Variants in AFTPH observed in about 807,000 individuals in gnomAD.
AFTPH encodes aftiphilin protein.
AFTPH carries 7 observed loss-of-function variants against 72.5 expected under a neutral mutation model. The observed-to-expected ratio is 0.10, with a 90% confidence interval of 0.05 to 0.18. AFTPH has a LOEUF of 0.18. AFTPH is among the 10% of genes least tolerant of loss of function. The probability of loss-of-function intolerance (pLI) is 1.00; values close to 1 mark genes in which losing one functional copy is unlikely to be tolerated. For missense variants in AFTPH, 979 were observed against 1,060.5 expected (o/e 0.92, Z 1.07); for synonymous variants, 337 against 370.1 (o/e 0.91, Z 1.03).
At chr2:64,553,833 A>G (rs971508210) in intron 2 of AFTPH, among the ~76,000 whole-genome samples, 3 of 151,644 alleles carry the variant, frequency 2.0e-5, no homozygotes, top group Non-Finnish European at 4.4e-5. Context: ...TAAGCTTAAG[A>G]ATAGAATGTT....
intron 2 of AFTPH, among the ~76,000 whole-genome samples, chr2:64,563,782 A>G (rs1671881577): frequency 6.6e-6 from 1 of 151,868 alleles, no homozygotes; most frequent in South Asian, 2.1e-4. Flanking sequence ...ATTTTTTTGT[A>G]CTTTTAGTAG....
In AFTPH at chr2:64,560,555, A is replaced by T. The variant is rs571235731; in HGVS notation, c.1936-7007A>T. ...ACTTTCCTGAGCCCTTTCTCCATAA[A>T]ATGTGTTTTTTGGTTAACAGGAAGT... On this transcript the variant is annotated intron_variant, in intron 2 of 8. Coordinates refer to ENST00000238856, the Ensembl canonical transcript of AFTPH. Among the ~76,000 whole-genome samples, 9 of 152,248 alleles carry T rather than the reference A, an allele frequency of 5.9e-5. No homozygotes were observed. The East Asian group carries it at 1.7e-3, about 29-fold the overall frequency.
chr2:64,561,327 G>A (rs1671730228), intron 2 of AFTPH, among the ~76,000 whole-genome samples: 1 of 152,076 alleles, frequency 6.6e-6, no homozygotes, highest in South Asian at 2.1e-4. Context: ...CATATTCAAG[G>A]GAAAACCAAG....
intron 1 of AFTPH, among the ~76,000 whole-genome samples, chr2:64,525,265 T>G (rs532379718): frequency 9.8e-5 from 15 of 152,330 alleles, no homozygotes; most frequent in Admixed American, 4.6e-4. Context: ...CTTAAGTGCC[T>G]GGTTTGGCAG....
intron 1 of AFTPH, among the ~76,000 whole-genome samples, chr2:64,530,066 G>A (rs1472028753): frequency 2.0e-5 from 3 of 152,110 alleles, no homozygotes; most frequent in Non-Finnish European, 4.4e-5. Context: ...TGAGACAGGA[G>A]AATCACTTGA....
intron 5 of AFTPH, among the ~76,000 whole-genome samples, chr2:64,571,964 C>T (rs1203937922): frequency 2.0e-5 from 3 of 152,090 alleles, no homozygotes; most frequent in Admixed American, 6.5e-5. Context: ...GCCTGTAATC[C>T]TAGCACTTTG....
At chr2:64,553,628 C>G (rs1671181822) in intron 2 of AFTPH, among the ~76,000 whole-genome samples, 1 of 150,156 alleles carries the variant, frequency 6.7e-6, no homozygotes, top group Non-Finnish European at 1.5e-5. Context: ...TTTTCTTTAT[C>G]TCAATGAGTT....
At chr2:64,535,241 T>C (rs1669824948) in intron 1 of AFTPH, among the ~76,000 whole-genome samples, 1 of 152,328 alleles carries the variant, frequency 6.6e-6, no homozygotes, top group Admixed American at 6.5e-5. Context: ...TCCTGTACTC[T>C]GGGAACTTAA....
At chr2:64,533,262 G>C (rs1372329755) in intron 1 of AFTPH, among the ~76,000 whole-genome samples, 1 of 151,980 alleles carries the variant, frequency 6.6e-6, no homozygotes, top group Non-Finnish European at 1.5e-5. Context: ...AGCCAGATAT[G>C]GTGGCAGGCA....
intron 1 of AFTPH, among the ~76,000 whole-genome samples, chr2:64,549,333 T>C (rs1270634971): frequency 1.6e-5 from 2 of 126,660 alleles, no homozygotes; most frequent in African/African-American, 3.8e-5. Context: ...TTTTTTTTTT[T>C]TTTTTGAAAC....
chr2:64,544,076 C>T (rs190964743), intron 1 of AFTPH, among the ~76,000 whole-genome samples: 85 of 152,252 alleles, frequency 5.6e-4, no homozygotes, highest in Non-Finnish European at 2.9e-4. Flanking sequence ...TGCCAGAATT[C>T]CCAAACCCAA....
At chr2:64,586,681 C>T (rs1246033633) in intron 8 of AFTPH, among the ~76,000 whole-genome samples, 3 of 152,316 alleles carry the variant, frequency 2.0e-5, no homozygotes, top group South Asian at 4.1e-4. Flanking sequence ...TCTGCCAGTT[C>T]TCTCCATTGT....
chr2:64,548,513 TC>T (rs755861957), intron 1 of AFTPH, among the ~76,000 whole-genome samples: 22 of 146,450 alleles, frequency 1.5e-4, no homozygotes, highest in Non-Finnish European at 2.9e-4. Context: ...GCCTAAATAA[TC>T]CCTTTGCAGC....
chr2:64,550,677 GCACACACACACA>G (rs56139158), intron 1 of AFTPH, among the ~76,000 whole-genome samples: 3,065 of 130,206 alleles, frequency 0.024, 59 homozygotes, highest in African/African-American at 0.037. Flanking sequence ...CTGTACGCAT[GCACACACACACA>G]CACACACACA....
chr2:64,528,018 T>A (rs1669383603), intron 1 of AFTPH, among the ~76,000 whole-genome samples: 1 of 152,188 alleles, frequency 6.6e-6, no homozygotes, highest in African/African-American at 2.4e-5. Flanking sequence ...AAGAGGGAAA[T>A]AATGATTTAA....
chr2:64,575,703 ATGTGTGTG>A (rs149890368), intron 6 of AFTPH, among the ~76,000 whole-genome samples: 3,832 of 145,484 alleles, frequency 0.026, 72 homozygotes, highest in African/African-American at 0.038. Flanking sequence ...ATGTGTGTAT[ATGTGTGTG>A]TGTGTGTGTG....
intron 1 of AFTPH, among the ~76,000 whole-genome samples, chr2:64,535,021 T>A (rs1558591718): frequency 6.6e-6 from 1 of 152,212 alleles, no homozygotes; most frequent in Non-Finnish European, 1.5e-5. Context: ...AACTCCTTGT[T>A]TTTGAAATCT....
At position 64,525,798 on chromosome 2, in the gene AFTPH, T is replaced by C. The variant is rs1284539302; in HGVS notation, c.-33+1186T>C. Among the ~76,000 whole-genome samples, 4 of 152,220 alleles carry C rather than the reference T, an allele frequency of 2.6e-5. No individual in the cohort carries two copies. The East Asian group carries it at 7.7e-4, about 29-fold the overall frequency. On this transcript the variant is annotated intron_variant, in intron 1 of 8. Transcript: ENST00000238856. ...TAAATGTTGGCTTTTTTAGTAGTCA[T>C]TTTTAACACTTCGCAGAGGTATATT...
At chr2:64,591,351 A>G (rs1046755441) in intron 8 of AFTPH, among the ~76,000 whole-genome samples, 1 of 152,212 alleles carries the variant, frequency 6.6e-6, no homozygotes, top group Non-Finnish European at 1.5e-5. Flanking sequence ...CTGTATCCCA[A>G]CAGGCTGAGA....
Sources: gnomAD v4.1 joint callset for allele counts (sites outside exome capture counted in the v4.1 genomes callset) on GRCh38, gnomAD v4.1.1 for gene constraint, MANE v1.5 for transcripts, NCBI Gene and HGNC (gene_info 2026-07-23, HGNC 2026-07-21) for gene names.